Variants in WWOX observed in about 807,000 individuals in gnomAD.
WWOX encodes WW domain containing oxidoreductase, also known as WW domain-containing oxidoreductase.
WWOX carries 69 observed loss-of-function variants against 46.2 expected under a neutral mutation model. The ratio of observed to expected loss-of-function variants is 1.49; its 90% CI spans 1.23 to 1.82. WWOX has a LOEUF of 1.82. Among genes scored for constraint, WWOX ranks in the 40% most tolerant of loss-of-function variants. WWOX has a pLI of 0.00. For missense variants in WWOX, 919 were observed against 542.6 expected (o/e 1.69, Z -6.89); for synonymous variants, 359 against 202.6 (o/e 1.77, Z -6.56).
chr16:78,376,065 T>C (rs533211025), intron 5 of WWOX, among the ~76,000 whole-genome samples: 2 of 152,096 alleles, frequency 1.3e-5, no homozygotes, highest in East Asian at 1.9e-4. Context: ...GGCCAGGCTG[T>C]TCTCGAACTC....
At chr16:78,856,767 A>G (rs1597727740) in intron 8 of WWOX, among the ~76,000 whole-genome samples, 1 of 152,218 alleles carries the variant, frequency 6.6e-6, no homozygotes, top group Admixed American at 6.5e-5. Context: ...TTTAACACAC[A>G]TATTCACGAA....
chr16:78,337,244 C>T (rs950861528), intron 5 of WWOX, among the ~76,000 whole-genome samples: 6 of 152,124 alleles, frequency 3.9e-5, no homozygotes, highest in African/African-American at 1.2e-4. Context: ...AGGAATCCTG[C>T]AGACAGAATC....
In WWOX at chr16:78,852,051, A is replaced by G. The variant is rs75807904; in HGVS notation, c.1057-359557A>G. On this transcript the variant is annotated intron_variant, in intron 8 of 8. Coordinates refer to ENST00000566780, the MANE Select transcript of WWOX (RefSeq NM_016373.4). ...ACAATCAAGAGTGACTTGAACTGGG[A>G]CATGTTTGTATTTCTTCAAGATGAC... Among the ~76,000 whole-genome samples, 1,127 of 152,238 alleles carry G rather than the reference A, an allele frequency of 7.4e-3. 9 individuals are homozygous for G. The highest frequency in any genetic ancestry group is 0.022 in the African/African-American group (906 of 41,560).
At chr16:78,900,437 G>T (rs2044802266) in intron 8 of WWOX, among the ~76,000 whole-genome samples, 1 of 152,162 alleles carries the variant, frequency 6.6e-6, no homozygotes, top group Non-Finnish European at 1.5e-5. Flanking sequence ...TTAAAAATGA[G>T]ACTTTCTGTT....
chr16:78,115,079 A>G lies in WWOX; in HGVS notation c.334A>G (p.Thr112Ala), dbSNP rs376308619. 1.9e-6 allele frequency: 3 copies of G among 1,614,180 alleles called. No homozygotes were observed. Among genetic ancestry groups the G allele is most frequent in the South Asian group, 1.1e-5 (1 of 91,078 alleles). Reference protein sequence around the residue: ...TTRQRYDGSTTAMEILQGRDF... With the variant: ...TTRQRYDGSTAAMEILQGRDF... ...CCGGCAAAGATACGACGGCAGCACCACTGCCATGGAAATTCTCCAGGGCCG... is the reference window on the plus strand; with the variant it reads ...CCGGCAAAGATACGACGGCAGCACCGCTGCCATGGAAATTCTCCAGGGCCG... Residue 112 changes from threonine to alanine, a missense_variant, in exon 4 of 9, where the codon ACT (threonine) becomes GCT (alanine). Thr to Ala is a moderately conservative substitution (Grantham distance 58, BLOSUM62 0). Transcript: ENST00000566780.
At chr16:78,510,599 A>G (rs2085339044) in intron 8 of WWOX, among the ~76,000 whole-genome samples, 1 of 152,230 alleles carries the variant, frequency 6.6e-6, no homozygotes, top group Non-Finnish European at 1.5e-5. Context: ...TAATTTAGCT[A>G]TGGATACAAG....
intron 6 of WWOX, among the ~76,000 whole-genome samples, chr16:78,421,443 A>T (rs1430595062): frequency 6.6e-6 from 1 of 152,128 alleles, no homozygotes; most frequent in African/African-American, 2.4e-5. Flanking sequence ...TAGGCCTGTC[A>T]TTGGATTTAA....
chr16:78,954,477 C>T (rs1366534840), intron 8 of WWOX, among the ~76,000 whole-genome samples: 1 of 152,116 alleles, frequency 6.6e-6, no homozygotes, highest in East Asian at 1.9e-4. Flanking sequence ...TTATATTTTA[C>T]TAAAAATCTG....
chr16:78,646,128 C>G (rs2046835867), intron 8 of WWOX, among the ~76,000 whole-genome samples: 1 of 152,200 alleles, frequency 6.6e-6, no homozygotes, highest in Non-Finnish European at 1.5e-5. Context: ...GTCCCATCTG[C>G]CATGCCAAAT....
intron 4 of WWOX, among the ~76,000 whole-genome samples, chr16:78,141,435 T>C (rs967601845): frequency 2.7e-5 from 4 of 150,308 alleles, no homozygotes; most frequent in Non-Finnish European, 4.4e-5. Flanking sequence ...CCCTTCTTTT[T>C]TTTTTTTTTT....
chr16:78,509,739 A>G (rs950358575), intron 8 of WWOX, among the ~76,000 whole-genome samples: 2 of 152,156 alleles, frequency 1.3e-5, no homozygotes, highest in Admixed American at 1.3e-4. Flanking sequence ...AGTGATTGCA[A>G]TGTTAATAAT....
At chr16:78,205,760 T>C (rs960273376) in intron 5 of WWOX, among the ~76,000 whole-genome samples, 3 of 152,016 alleles carry the variant, frequency 2.0e-5, no homozygotes, top group Admixed American at 6.6e-5. Context: ...TCTATTCATC[T>C]ACCCACCCCA....
At chr16:78,920,587 A>T (rs887581066) in intron 8 of WWOX, among the ~76,000 whole-genome samples, 4 of 152,154 alleles carry the variant, frequency 2.6e-5, no homozygotes, top group Non-Finnish European at 4.4e-5. Flanking sequence ...GCTTTGAGTG[A>T]AAATGTTCCT....
Position 78,552,964 on chromosome 16 carries a change from AG to A in WWOX, c.1056+120217del, listed in dbSNP as rs35654619. ...AGGGTTGGGCAGGAGGCAGAGGGAG[AG>A]GGGGAGAACTGTCAAGAGTTTTGAG... On this transcript the variant is annotated intron_variant, in intron 8 of 8. Coordinates refer to ENST00000566780, the MANE Select transcript of WWOX (RefSeq NM_016373.4). The A allele has an allele frequency of 2.0e-5, 3 of 152,298 alleles. No homozygotes were observed. In the East Asian group the frequency reaches 5.8e-4, roughly 29 times the overall value. The allele number at this position is 152,298 out of a possible 1,614,324, so 9.4% of individuals were successfully genotyped here.
chr16:79,160,891 A>G (rs1312675980), intron 8 of WWOX, among the ~76,000 whole-genome samples: 1 of 26,662 alleles, frequency 3.8e-5, no homozygotes, highest in Non-Finnish European at 5.9e-5. Flanking sequence ...ATACACATAT[A>G]CATATACACA....
At chr16:78,781,057 C>A (rs1415375131) in intron 8 of WWOX, among the ~76,000 whole-genome samples, 2 of 152,096 alleles carry the variant, frequency 1.3e-5, no homozygotes, top group Non-Finnish European at 2.9e-5. Context: ...GCAGCTGCAA[C>A]CTCAAAACAG....
At chr16:78,917,602 C>T (rs986775198) in intron 8 of WWOX, among the ~76,000 whole-genome samples, 2 of 152,078 alleles carry the variant, frequency 1.3e-5, no homozygotes, top group South Asian at 2.1e-4. Flanking sequence ...CATTCTTTTG[C>T]AGCTGCAGCC....
At chr16:78,665,417 GT>G (rs2047307714) in intron 8 of WWOX, among the ~76,000 whole-genome samples, 2 of 152,082 alleles carry the variant, frequency 1.3e-5, no homozygotes, top group African/African-American at 4.8e-5. Flanking sequence ...TAACTATTGA[GT>G]TTTCCCTCTC....
intron 8 of WWOX, among the ~76,000 whole-genome samples, chr16:78,730,617 A>AAATT (rs1555524922): frequency 3.0e-4 from 37 of 123,064 alleles, no homozygotes; most frequent in Non-Finnish European, 4.6e-4. Context: ...ACGCCCGGCA[A>AAATT]TTTTTTTTTT....
Sources: allele counts gnomAD v4.1 joint callset (sites outside exome capture counted in the v4.1 genomes callset), GRCh38; gene constraint gnomAD v4.1.1; transcripts MANE v1.5; gene names NCBI Gene and HGNC (gene_info 2026-07-23, HGNC 2026-07-21).